The following EEA1 variants were observed in gnomAD, a reference collection of about 807,000 sequenced individuals.
The protein encoded by EEA1 is early endosome antigen 1, also known as early endosome antigen 1, 162kD.
A neutral mutation model predicts 209.2 loss-of-function variants in EEA1; 111 were observed. That is an observed-to-expected ratio of 0.53 (90% CI 0.45 to 0.62). The LOEUF is 0.62. Ranked by LOEUF, EEA1 falls within the 20% of genes least tolerant of loss-of-function variation. The probability of loss-of-function intolerance (pLI) is 0.00; values close to 1 mark genes in which losing one functional copy is unlikely to be tolerated. For synonymous variants in EEA1, 536 were observed against 540.6 expected, an observed-to-expected ratio of 0.99 and a Z score of 0.12; for missense variants, 1,343 against 1,530.8, an observed-to-expected ratio of 0.88 and a Z score of 2.05.
chr12:92,858,010 G>C, intron 3 of EEA1: 1 of 342,782 alleles, frequency 2.9e-6, no homozygotes, highest in Middle Eastern at 8.4e-4. Context: ...TGCAACTTGC[G>C]CATTTCGCAG....
intron 2 of EEA1, chr12:92,883,804 G>C (rs1879267179): frequency 4.4e-6 from 7 of 1,581,378 alleles, no homozygotes; most frequent in Non-Finnish European, 6.1e-6. Flanking sequence ...TAAAGAGCCC[G>C]AACAGCTGAG....
chr12:92,859,280 T>G (rs1389851823), intron 3 of EEA1: 1 of 1,570,716 alleles, frequency 6.4e-7, no homozygotes, highest in Non-Finnish European at 8.7e-7. Flanking sequence ...TATTGAAAGT[T>G]TTCATCTTTT....
At chr12:92,808,672 C>A (rs1371997186) in intron 18 of EEA1, among the ~76,000 whole-genome samples, 1 of 152,022 alleles carries the variant, frequency 6.6e-6, no homozygotes, top group Non-Finnish European at 1.5e-5. Flanking sequence ...TTGGGTAACA[C>A]ATAAATATCC....
chr12:92,884,414 A>G (rs1879293489), intron 2 of EEA1: 1 of 1,307,420 alleles, frequency 7.6e-7, no homozygotes, highest in Admixed American at 1.7e-5. Flanking sequence ...GAATGACAAC[A>G]CTGGTAGTGG....
In EEA1 at chr12:92,802,516, G is replaced by A. The variant is rs141675651; in HGVS notation, c.2558C>T (p.Thr853Ile). 47 of 1,596,676 alleles carry A rather than the reference G, an allele frequency of 2.9e-5. 1 individual carries two copies. The African/African-American group carries it at 6.3e-4, about 21-fold the overall frequency. Reference sequence around the variant, plus strand: ...TTTGTCCTTTACTGTAGAAAGCTCTGTCATTAAAGCTTCTTTCTCCATTTT... The same window carrying A: ...TTTGTCCTTTACTGTAGAAAGCTCTATCATTAAAGCTTCTTTCTCCATTTT... The part of the protein sequence containing the change: ...KVKMEKEALM[T>I]ELSTVKDKLS... The change falls in exon 19 of 29, where the codon ACA becomes ATA. Residue 853 changes from threonine (T) to isoleucine (I), a missense_variant. Thr to Ile is a moderately conservative substitution (Grantham distance 89). Around this residue, in one of 3 missense-constraint regions of EEA1, gnomAD observed 1,307 missense variants for 1,465.5 expected, o/e 0.89. Transcript: ENST00000322349.
At chr12:92,928,070 G>T (rs971077482) in intron 1 of EEA1, among the ~76,000 whole-genome samples, 1 of 151,556 alleles carries the variant, frequency 6.6e-6, no homozygotes, top group East Asian at 1.9e-4. Flanking sequence ...CTACTCCCTC[G>T]GTAAAGAACT....
At chr12:92,817,942 C>A (rs1292641317) in intron 14 of EEA1, among the ~76,000 whole-genome samples, 1 of 152,098 alleles carries the variant, frequency 6.6e-6, no homozygotes, top group Non-Finnish European at 1.5e-5. Context: ...TCAACCACAT[C>A]TTTCTTCTGA....
At chr12:92,910,825 C>A (rs1246465098) in intron 1 of EEA1, among the ~76,000 whole-genome samples, 1 of 151,970 alleles carries the variant, frequency 6.6e-6, no homozygotes, top group African/African-American at 2.4e-5. Flanking sequence ...AGGCAAAGAC[C>A]TTAATAGACA....
At chr12:92,886,737 G>A (rs966352163) in intron 2 of EEA1, among the ~76,000 whole-genome samples, 4 of 152,088 alleles carry the variant, frequency 2.6e-5, no homozygotes, top group Admixed American at 6.5e-5. Flanking sequence ...GGTGGCTCAC[G>A]CCTGTAATCC....
intron 1 of EEA1, among the ~76,000 whole-genome samples, chr12:92,901,495 A>G (rs1880138589): frequency 6.6e-6 from 1 of 152,174 alleles, no homozygotes; most frequent in South Asian, 2.1e-4. Context: ...GGAAACCCTC[A>G]CAAGTCAGGG....
chr12:92,886,656 G>C, intron 2 of EEA1, among the ~76,000 whole-genome samples: 1 of 137,188 alleles, frequency 7.3e-6, no homozygotes, highest in Non-Finnish European at 1.6e-5. Flanking sequence ...AGGGGAGAAG[G>C]GGGAAAGGGA....
intron 1 of EEA1, among the ~76,000 whole-genome samples, chr12:92,911,693 T>C (rs561934038): frequency 6.6e-6 from 1 of 152,288 alleles, no homozygotes; most frequent in South Asian, 2.1e-4. Context: ...ACCACTCTAG[T>C]GGGGAATGTT....
At chr12:92,884,626 C>T (rs1879302874) in intron 2 of EEA1, 16 of 1,373,678 alleles carry the variant, frequency 1.2e-5, no homozygotes, top group Middle Eastern at 4.9e-4. Flanking sequence ...GAGGCCAATA[C>T]TTTGCCAAAC....
At chr12:92,882,315 C>T (rs1879182673) in intron 2 of EEA1, among the ~76,000 whole-genome samples, 1 of 152,026 alleles carries the variant, frequency 6.6e-6, no homozygotes, top group Admixed American at 6.6e-5. Context: ...ATCACGTTGG[C>T]CAGGCTGGTC....
intron 1 of EEA1, among the ~76,000 whole-genome samples, chr12:92,906,057 C>T (rs1880372900): frequency 6.6e-6 from 1 of 151,700 alleles, no homozygotes; most frequent in South Asian, 2.1e-4. Context: ...CAGATGAGTG[C>T]CACCACACCT....
At chr12:92,813,181 A>T in intron 15 of EEA1, 88 bp from the exon 16 acceptor site, 2 of 761,750 alleles carry the variant, frequency 2.6e-6, no homozygotes, top group Non-Finnish European at 3.9e-6. Flanking sequence ...GACTAAACAA[A>T]CTATTTAAAA....
At chr12:92,815,915 G>C (rs1331914451) in intron 15 of EEA1, among the ~76,000 whole-genome samples, 1 of 151,536 alleles carries the variant, frequency 6.6e-6, no homozygotes, top group Non-Finnish European at 1.5e-5. Context: ...GCGCACCTGA[G>C]AGCAAGAGCC....
At chr12:92,831,701 C>T (rs941136565) in intron 11 of EEA1, among the ~76,000 whole-genome samples, 1 of 148,660 alleles carries the variant, frequency 6.7e-6, no homozygotes, top group African/African-American at 2.5e-5. Context: ...TACAAAATAG[C>T]CACAGCATTA....
intron 9 of EEA1, among the ~76,000 whole-genome samples, chr12:92,846,089 A>G (rs1423676070): frequency 6.6e-6 from 1 of 152,224 alleles, no homozygotes; most frequent in African/African-American, 2.4e-5. Context: ...TGCTACAACT[A>G]TAAGTAAATA....
Sources: allele counts gnomAD v4.1 joint callset (sites outside exome capture counted in the v4.1 genomes callset), GRCh38; gene constraint gnomAD v4.1.1; regional missense constraint gnomAD v4.1.1; transcripts MANE v1.5; gene names NCBI Gene and HGNC (gene_info 2026-07-23, HGNC 2026-07-21).